ALAS1: variants seen among roughly 807,000 people sequenced by gnomAD.
ALAS1 encodes the protein 5-aminolevulinate synthase, non-specific, mitochondrial.
ALAS1 carries 29 observed loss-of-function variants against 59.6 expected under a neutral mutation model. That is an observed-to-expected ratio of 0.49 (90% CI 0.36 to 0.66). The LOEUF (loss-of-function observed/expected upper bound fraction) is 0.66. Among genes scored for constraint, ALAS1 ranks in the 30% least tolerant of loss-of-function variants. The pLI is 0.00. For missense variants in ALAS1, 690 were observed against 807.5 expected, an observed-to-expected ratio of 0.85 and a Z score of 1.76; for synonymous variants, 299 against 296.6, an observed-to-expected ratio of 1.01 and a Z score of -0.08.
In ALAS1 at chr3:52,207,971, A is replaced by G. The variant is rs886789900; in HGVS notation, c.1166-112A>G. On this transcript the variant is annotated intron_variant, in intron 8 of 11. Transcript: ENST00000484952. Reference sequence around the variant, plus strand: ...ATTAGAGGAAGTTCATTTTCTTTCCAATATTGAAAATGATACCTTAGAATA... The same window carrying G: ...ATTAGAGGAAGTTCATTTTCTTTCCGATATTGAAAATGATACCTTAGAATA... 4 of 1,128,592 alleles carry G rather than the reference A, an allele frequency of 3.5e-6. No homozygotes were observed. In the Admixed American group the frequency reaches 1.1e-4, roughly 32 times the overall value. 69.9% of individuals were successfully genotyped at this position (1,128,592 alleles called of 1,614,324 possible).
rs1699466821 is a variant in ALAS1 at position 52,214,090 on chromosome 3, C to G, written c.1833C>G (p.Phe611Leu). Residue 611 changes from phenylalanine (F) to leucine (L), a missense_variant, in exon 12 of 12, where the codon TTC becomes TTG. Phe to Leu is a conservative substitution (Grantham distance 22). Transcript: ENST00000484952. ...LKPHSSAECN[F>L]CRRPLHFEVM... ...CTCATTCCTCAGCTGAGTGCAACTTCTGCAGGAGGCCACTGCATTTTGAAG... is the reference window on the plus strand; with the variant it reads ...CTCATTCCTCAGCTGAGTGCAACTTGTGCAGGAGGCCACTGCATTTTGAAG... 6.2e-7 allele frequency: 1 copy of G among 1,613,874 alleles called. No homozygotes were observed. Among genetic ancestry groups the G allele is most frequent in the South Asian group, 1.1e-5 (1 of 91,086 alleles).
At position 52,206,025 on chromosome 3, in the gene ALAS1, T is replaced by C. The variant is rs1437743410; in HGVS notation, c.985+2T>C. On this transcript the variant is annotated splice_donor_variant, in intron 7 of 11. Coordinates refer to ENST00000484952, the MANE Select transcript of ALAS1 (RefSeq NM_000688.6). LOFTEE classifies it high-confidence loss of function. ...TCACCCTGGCTAAGATGATGCCAGGTAAGGAAGCCTGGCATGAGTGCCTTC... is the reference window on the plus strand; with the variant it reads ...TCACCCTGGCTAAGATGATGCCAGGCAAGGAAGCCTGGCATGAGTGCCTTC... 1.3e-6 allele frequency: 2 copies of C among 1,586,242 alleles called. No individual in the cohort carries two copies. Among genetic ancestry groups the C allele is most frequent in the Non-Finnish European group, 1.7e-6 (2 of 1,164,384 alleles).
chr3:52,207,638 T>G (rs545491566), intron 8 of ALAS1, among the ~76,000 whole-genome samples: 1 of 152,290 alleles, frequency 6.6e-6, no homozygotes, highest in South Asian at 2.1e-4. Flanking sequence ...CCTCCCACCC[T>G]CCACCCTCAA....
intron 9 of ALAS1, among the ~76,000 whole-genome samples, chr3:52,210,247 C>T (rs1446006367): frequency 6.6e-6 from 1 of 152,132 alleles, no homozygotes; most frequent in Non-Finnish European, 1.5e-5. Context: ...GCAGTGCAGA[C>T]ATGGGGAGTG....
rs1577958881 is a variant in ALAS1, at chr3:52,198,946, G to T, written c.-33+98G>T. The T allele has an allele frequency of 1.3e-5, 18 of 1,353,000 alleles. No individual in the cohort carries two copies. The East Asian group carries it at 4.5e-4, about 34-fold the overall frequency. The allele number at this position is 1,353,000 out of a possible 1,614,324, so 83.8% of individuals were successfully genotyped here. On this transcript the variant is annotated intron_variant, in intron 2 of 11. Coordinates refer to ENST00000484952, the MANE Select transcript of ALAS1 (RefSeq NM_000688.6). ...CTTTCCCTCATCCTTCCGCCCCCTT[G>T]ATTATGTACTGTCAGTATTCATTTG...
rs1046144411 is a variant in ALAS1 at position 52,204,678 on chromosome 3, T to C, written c.578-15T>C. Reference sequence around the variant, plus strand: ...CACAACCACCATTCTGTACTGTCTTTTGTTCAATTTTTAGCTGTTTCCACT... The same window carrying C: ...CACAACCACCATTCTGTACTGTCTTCTGTTCAATTTTTAGCTGTTTCCACT... On this transcript the variant is annotated splice_polypyrimidine_tract_variant and intron_variant, in intron 5 of 11. Coordinates refer to ENST00000484952, the MANE Select transcript of ALAS1 (RefSeq NM_000688.6). 27 of 1,607,932 alleles carry C rather than the reference T, an allele frequency of 1.7e-5. No individual in the cohort carries two copies. Among genetic ancestry groups the C allele is most frequent in the South Asian group, 2.2e-5 (2 of 90,850 alleles).
Position 52,206,589 on chromosome 3 carries a change from G to C in ALAS1, c.1003G>C (p.Asp335His), listed in dbSNP as rs1234533563. ...TGTCTTAGGCTGTGAGATTTACTCTGATTCTGGGAACCATGCCTCCATGAT... is the reference window on the plus strand; with the variant it reads ...TGTCTTAGGCTGTGAGATTTACTCTCATTCTGGGAACCATGCCTCCATGAT... ...KMMPGCEIYS[D>H]SGNHASMIQG... The change falls in exon 8 of 12, where the codon GAT becomes CAT. Residue 335 changes from aspartate (D) to histidine (H), a missense_variant. Asp to His is a moderately conservative substitution (Grantham distance 81, BLOSUM62 -1). Coordinates refer to ENST00000484952, the MANE Select transcript of ALAS1 (RefSeq NM_000688.6). 2.5e-6 allele frequency: 4 copies of C among 1,614,156 alleles called. No individual in the cohort carries two copies. The highest frequency in any genetic ancestry group is 1.3e-5 in the African/African-American group (1 of 75,048).
intron 3 of ALAS1, among the ~76,000 whole-genome samples, chr3:52,200,945 G>A (rs1196090923): frequency 2.0e-5 from 3 of 151,848 alleles, no homozygotes; most frequent in Non-Finnish European, 4.4e-5. Flanking sequence ...AGTTAGTTAC[G>A]TCTTTTTTAC....
At chr3:52,204,088 G>T in intron 5 of ALAS1, 76 bp downstream of exon 5, 4 of 1,450,040 alleles carry the variant, frequency 2.8e-6, no homozygotes, top group Non-Finnish European at 2.8e-6. Flanking sequence ...ATATAAAATT[G>T]CATGGTGAGG....
At chr3:52,208,022 C>T (rs776230445) in intron 8 of ALAS1, 61 bp from the exon 9 acceptor site, 23 of 1,463,828 alleles carry the variant, frequency 1.6e-5, no homozygotes, top group Non-Finnish European at 2.1e-5. Flanking sequence ...CTGACTCTAA[C>T]CAAAACAGAA....
intron 8 of ALAS1, 94 bp downstream of exon 8, chr3:52,206,845 T>A (rs551985692): frequency 2.1e-6 from 3 of 1,427,904 alleles, no homozygotes; most frequent in East Asian, 4.6e-5. Flanking sequence ...TTTTAATTTT[T>A]TTTTTTTGTG....
intron 4 of ALAS1, among the ~76,000 whole-genome samples, chr3:52,203,120 G>C (rs896099085): frequency 6.6e-6 from 1 of 152,132 alleles, no homozygotes; most frequent in Non-Finnish European, 1.5e-5. Context: ...TCTTACTGAT[G>C]GTCATTGAAT....
rs1699408250 is a variant in ALAS1 at position 52,211,515 on chromosome 3, T to C, written c.1563T>C (p.Pro521=). 6.2e-7 allele frequency: 1 copy of C among 1,614,224 alleles called. No homozygotes were observed. The highest frequency in any genetic ancestry group is 1.1e-5 in the South Asian group (1 of 91,082). The part of the protein sequence containing the change: ...MRQMLMDAGL[P]VVHCPSHIIP... ...AGATGCTAATGGATGCCGGCCTCCC[T>C]GTTGTCCACTGCCCCAGCCACATCA... Residue 521 remains proline (P), a synonymous_variant, in exon 10 of 12, where the codon CCT becomes CCC. Coordinates refer to ENST00000484952, the MANE Select transcript of ALAS1 (RefSeq NM_000688.6).
chr3:52,204,225 GT>G (rs1413800746), intron 5 of ALAS1, among the ~76,000 whole-genome samples: 1 of 152,036 alleles, frequency 6.6e-6, no homozygotes, highest in African/African-American at 2.4e-5. Flanking sequence ...TACCAAAACA[GT>G]TTTTTTAATT....
At chr3:52,202,395 G>A in intron 3 of ALAS1, 112 bp from the exon 4 acceptor site, 1 of 845,238 alleles carries the variant, frequency 1.2e-6, no homozygotes, top group Non-Finnish European at 1.9e-6. Context: ...GGATGGTGGG[G>A]TACAGTAAGT....
rs779005223 is a variant in ALAS1 at position 52,202,734 on chromosome 3, G to GGT, written c.427+1_427+2dup. ...GCAGGAAATGAATGCCGTGAGGAAA[G>GGT]GTAAGAGATGAGTTGTGAACCATTA... On this transcript the variant is annotated frameshift_variant and splice_region_variant. Coordinates refer to ENST00000484952, the MANE Select transcript of ALAS1 (RefSeq NM_000688.6). LOFTEE classifies it high-confidence loss of function. The GGT allele has an allele frequency of 3.7e-6, 6 of 1,613,402 alleles. No individual in the cohort carries two copies. The South Asian group carries it at 6.6e-5, about 18-fold the overall frequency.
At chr3:52,211,874 C>T (rs1271204224) in intron 10 of ALAS1, among the ~76,000 whole-genome samples, 6 of 152,170 alleles carry the variant, frequency 3.9e-5, no homozygotes. Flanking sequence ...TAGTAAATTT[C>T]AAAATAGGTT....
chr3:52,212,977 C>T (rs1370490852), intron 11 of ALAS1, among the ~76,000 whole-genome samples: 1 of 152,004 alleles, frequency 6.6e-6, no homozygotes, highest in Non-Finnish European at 1.5e-5. Flanking sequence ...GTTTCCAGTG[C>T]CCCCTTGTCT....
chr3:52,202,328 G>A (rs1392744387), intron 3 of ALAS1, among the ~76,000 whole-genome samples, 179 bp from the exon 4 acceptor site: 1 of 152,078 alleles, frequency 6.6e-6, no homozygotes, highest in Admixed American at 6.6e-5. Flanking sequence ...CCAACCTGGG[G>A]TACAGAGCAA....
Sources: gnomAD v4.1 joint callset for allele counts (sites outside exome capture counted in the v4.1 genomes callset) on GRCh38, gnomAD v4.1.1 for gene constraint, MANE v1.5 for transcripts, NCBI Gene and HGNC (gene_info 2026-07-23, HGNC 2026-07-21) for gene names.